Variants in PDE4D observed in about 807,000 individuals in gnomAD.
The protein encoded by PDE4D is 3',5'-cyclic-AMP phosphodiesterase 4D.
In PDE4D, 24 loss-of-function variants were observed where a neutral mutation model predicts 87.4. The ratio of observed to expected loss-of-function variants is 0.27; its 90% CI spans 0.20 to 0.39. PDE4D has a LOEUF of 0.39. Ranked by LOEUF, PDE4D falls within the 10% of genes least tolerant of loss-of-function variation. PDE4D has a pLI of 1.00. For synonymous variants in PDE4D, 384 were observed against 383.2 expected (o/e 1.00, Z -0.02); for missense variants, 714 against 1,041.0 (o/e 0.69, Z 4.32).
chr5:59,530,030 G>A (rs1231414889), intron 1 of PDE4D, among the ~76,000 whole-genome samples: 1 of 152,152 alleles, frequency 6.6e-6, no homozygotes, highest in Admixed American at 6.5e-5. Context: ...TTACCCACTA[G>A]GTCAGGGTGG....
intron 1 of PDE4D, among the ~76,000 whole-genome samples, chr5:59,279,364 G>A (rs919287836): frequency 2.0e-5 from 3 of 151,998 alleles, no homozygotes; most frequent in Non-Finnish European, 4.4e-5. Flanking sequence ...GAGAAATATT[G>A]TGTTATTTTC....
chr5:59,003,828 G>A (rs566197058), intron 6 of PDE4D, among the ~76,000 whole-genome samples: 1 of 152,230 alleles, frequency 6.6e-6, no homozygotes, highest in East Asian at 1.9e-4. Context: ...AAAACCAAGT[G>A]AGGAATGGCA....
rs138110018 is a variant in PDE4D, at chr5:59,856,464, G to T, written c.455+36704C>A. Among the ~76,000 whole-genome samples, 138 of 152,204 alleles carry T rather than the reference G, an allele frequency of 9.1e-4. 1 individual carries two copies. The highest frequency in any genetic ancestry group is 3.1e-3 in the African/African-American group (129 of 41,528). On this transcript the variant is annotated intron_variant, in intron 1 of 14. Transcript: ENST00000340635. The stretch of plus-strand genomic sequence containing the variant: ...ATGCATAAATCTCCCACACATCAAT[G>T]GAAAAATAAATCTCGTAGTGATGAG...
chr5:59,744,824 T>C (rs2150691097), intron 1 of PDE4D, among the ~76,000 whole-genome samples: 1 of 152,310 alleles, frequency 6.6e-6, no homozygotes, highest in Non-Finnish European at 1.5e-5. Flanking sequence ...ATTTTTCTTT[T>C]GTACAGCAAA....
intron 1 of PDE4D, among the ~76,000 whole-genome samples, chr5:59,263,744 T>C (rs1016564838): frequency 6.6e-6 from 1 of 151,978 alleles, no homozygotes; most frequent in Non-Finnish European, 1.5e-5. Context: ...TGCTATATTA[T>C]TCCTTTTATA....
intron 2 of PDE4D, among the ~76,000 whole-genome samples, chr5:59,199,192 C>A (rs377493653): frequency 6.6e-6 from 1 of 151,846 alleles, no homozygotes; most frequent in South Asian, 2.1e-4. Flanking sequence ...TTTAGCATGA[C>A]AAATGAATGC....
chr5:60,057,160 T>A (rs1234061585), intron 2 of PDE4D, among the ~76,000 whole-genome samples: 1 of 151,976 alleles, frequency 6.6e-6, no homozygotes, highest in African/African-American at 2.4e-5. Flanking sequence ...CAGAATAAAT[T>A]AGAAACTAGA....
intron 1 of PDE4D, among the ~76,000 whole-genome samples, chr5:59,244,734 C>T (rs187129423): frequency 2.6e-5 from 3 of 115,790 alleles, no homozygotes; most frequent in East Asian, 5.2e-4. Context: ...ATAGAGAGAC[C>T]GACCTGATTT....
chr5:60,363,362 A>C (rs141848625), intron 1 of PDE4D, among the ~76,000 whole-genome samples: 2,965 of 152,214 alleles, frequency 0.019, 38 homozygotes, highest in Non-Finnish European at 0.031. Context: ...CTACCCTCGA[A>C]CCCTATTCTT....
chr5:60,513,166 A>T (rs1409833657), intron 1 of PDE4D, among the ~76,000 whole-genome samples: 1 of 152,172 alleles, frequency 6.6e-6, no homozygotes, highest in African/African-American at 2.4e-5. Flanking sequence ...CAAAAGACGA[A>T]ATTTGCCAGG....
At chr5:59,544,701 G>A (rs2153685299) in intron 1 of PDE4D, among the ~76,000 whole-genome samples, 1 of 152,280 alleles carries the variant, frequency 6.6e-6, no homozygotes, top group East Asian at 1.9e-4. Flanking sequence ...AGTGAGTAGT[G>A]GGGAGAAGGG....
At chr5:60,190,356 C>G (rs868417396) in intron 1 of PDE4D, among the ~76,000 whole-genome samples, 2 of 152,156 alleles carry the variant, frequency 1.3e-5, no homozygotes, top group Admixed American at 1.3e-4. Context: ...ACATTGGTAG[C>G]AGAAACAAGG....
At chr5:59,572,940 T>G (rs948953702) in intron 1 of PDE4D, among the ~76,000 whole-genome samples, 1 of 152,218 alleles carries the variant, frequency 6.6e-6, no homozygotes, top group African/African-American at 2.4e-5. Context: ...GATTTATATA[T>G]GTATATCATT....
At chr5:59,760,833 T>C (rs920376418) in intron 1 of PDE4D, among the ~76,000 whole-genome samples, 1 of 152,216 alleles carries the variant, frequency 6.6e-6, no homozygotes, top group South Asian at 2.1e-4. Context: ...ATTTCCGTTA[T>C]AGTAAAATGA....
intron 1 of PDE4D, among the ~76,000 whole-genome samples, chr5:59,576,004 C>T (rs550902925): frequency 6.6e-6 from 1 of 152,120 alleles, no homozygotes; most frequent in Non-Finnish European, 1.5e-5. Flanking sequence ...GTTTAGACCT[C>T]CAAGCAACCT....
intron 6 of PDE4D, among the ~76,000 whole-genome samples, chr5:59,005,158 T>C (rs1197563040): frequency 6.6e-6 from 1 of 152,330 alleles, no homozygotes; most frequent in Non-Finnish European, 1.5e-5. Flanking sequence ...TAATACTCCT[T>C]GTCTTAAAAC....
intron 6 of PDE4D, among the ~76,000 whole-genome samples, chr5:59,009,650 A>G (rs757249484): frequency 2.6e-5 from 4 of 152,190 alleles, no homozygotes; most frequent in Non-Finnish European, 4.4e-5. Flanking sequence ...CCTATATTAT[A>G]TAGTACATAT....
At chr5:60,185,829 A>T (rs895188601) in intron 1 of PDE4D, 1 of 322,316 alleles carries the variant, frequency 3.1e-6, no homozygotes, top group African/African-American at 2.1e-5. Context: ...GCAATAAAAA[A>T]GTATACATAA....
intron 6 of PDE4D, among the ~76,000 whole-genome samples, chr5:58,997,070 A>T (rs895640404): frequency 7.2e-5 from 11 of 152,200 alleles, no homozygotes; most frequent in African/African-American, 2.7e-4. Flanking sequence ...CAATATTTGA[A>T]GCAATTACTT....
Sources: allele counts gnomAD v4.1 joint callset (sites outside exome capture counted in the v4.1 genomes callset), GRCh38; gene constraint gnomAD v4.1.1; transcripts MANE v1.5; gene names NCBI Gene and HGNC (gene_info 2026-07-23, HGNC 2026-07-21).